Variants in RFC1 observed in about 807,000 individuals in gnomAD.
The protein encoded by RFC1 is replication factor C subunit 1.
Under a neutral mutation model 137.4 loss-of-function variants are expected in RFC1, and 37 were observed. That is an observed-to-expected ratio of 0.27 (90% CI 0.21 to 0.35). RFC1 has a LOEUF of 0.35. RFC1 is among the 10% of genes least tolerant of loss of function. The pLI, the probability that RFC1 is intolerant of heterozygous loss-of-function variation, is 1.00. For synonymous variants in RFC1, 429 were observed against 455.7 expected (o/e 0.94, Z 0.75); for missense variants, 1,205 against 1,358.5 (o/e 0.89, Z 1.78).
Position 39,342,473 on chromosome 4 carries a change from T to G in RFC1, c.209-6A>C. On this transcript the variant is annotated splice_polypyrimidine_tract_variant and splice_region_variant and intron_variant, in intron 3 of 24. Transcript: ENST00000349703. The stretch of plus-strand genomic sequence containing the variant: ...CGTCTCCTCTGACTCTGAATCTGTA[T>G]GTGAGAGAAAAATAAAACAAAACTT... The G allele has an allele frequency of 6.2e-7, 1 of 1,610,204 alleles. No individual in the cohort carries two copies. Among genetic ancestry groups the G allele is most frequent in the South Asian group, 1.1e-5 (1 of 90,766 alleles).
chr4:39,333,270 CT>C (rs1378770267), intron 4 of RFC1, among the ~76,000 whole-genome samples: 2 of 151,820 alleles, frequency 1.3e-5, no homozygotes, highest in Non-Finnish European at 2.9e-5. Flanking sequence ...TGAGTTTGTA[CT>C]AATAAAAACA....
chr4:39,364,080 TAAA>T (rs34471101), intron 1 of RFC1, among the ~76,000 whole-genome samples: 27 of 122,888 alleles, frequency 2.2e-4, no homozygotes, highest in Admixed American at 5.3e-4. Context: ...ACCTTGCCTT[TAAA>T]AAAAAAAAAA....
intron 2 of RFC1, among the ~76,000 whole-genome samples, chr4:39,346,481 A>G (rs1740866876): frequency 6.6e-6 from 1 of 152,128 alleles, no homozygotes; most frequent in African/African-American, 2.4e-5. Context: ...CGTCTCAAAA[A>G]AAAAAAAAAA....
rs377688462 is a variant in RFC1 at position 39,312,827 on chromosome 4, T to C, written c.1308A>G (p.Lys436=). The C allele has an allele frequency of 6.8e-6, 11 of 1,613,986 alleles. No individual in the cohort carries two copies. Among genetic ancestry groups the C allele is most frequent in the Non-Finnish European group, 4.2e-6 (5 of 1,180,000 alleles). The change falls in exon 11 of 25, where the codon AAA becomes AAG. Residue 436 remains lysine (K), a synonymous_variant. Transcript: ENST00000349703. The stretch of plus-strand genomic sequence containing the variant: ...TTTTCTTGCTGACATTTCCTGTTAC[T>C]TTTCCCCCATAACGTTCAATTAGAG... The part of the protein sequence containing the change: ...AKSLIERYGG[K]VTGNVSKKTN...
chr4:39,308,278 G>A (rs1015586835), intron 13 of RFC1, among the ~76,000 whole-genome samples: 1 of 152,132 alleles, frequency 6.6e-6, no homozygotes, highest in Admixed American at 6.5e-5. Context: ...CTCCTACTTT[G>A]TTTCCAAGTC....
intron 1 of RFC1, among the ~76,000 whole-genome samples, chr4:39,358,958 C>G (rs1005054072): frequency 7.9e-5 from 12 of 152,180 alleles, no homozygotes; most frequent in African/African-American, 2.9e-4. Context: ...ATGCAGCCAA[C>G]ATGCAGCCAA....
chr4:39,309,336 CAA>C (rs1188616726), intron 12 of RFC1, among the ~76,000 whole-genome samples: 1 of 152,126 alleles, frequency 6.6e-6, no homozygotes, highest in Non-Finnish European at 1.5e-5. Flanking sequence ...ATTTTTGTTT[CAA>C]AGTTTCCTAA....
At chr4:39,327,169 T>TA (rs1739815236) in intron 5 of RFC1, among the ~76,000 whole-genome samples, 2 of 152,216 alleles carry the variant, frequency 1.3e-5, no homozygotes, top group Admixed American at 1.3e-4. Flanking sequence ...GCTCTATTTA[T>TA]AAGGAATCTA....
intron 4 of RFC1, among the ~76,000 whole-genome samples, chr4:39,331,582 AT>A (rs1012519846): frequency 1.3e-5 from 2 of 152,208 alleles, no homozygotes; most frequent in Admixed American, 6.5e-5. Flanking sequence ...GGGAAAAAAA[AT>A]AACCTAAATA....
chr4:39,351,305 T>C, intron 2 of RFC1, 43 bp downstream of exon 2: 1 of 1,198,324 alleles, frequency 8.3e-7, no homozygotes, highest in South Asian at 1.6e-5. Context: ...ACTGAGTTTA[T>C]TTTACATTTC....
chr4:39,339,350 TA>T (rs1740503227), intron 4 of RFC1, among the ~76,000 whole-genome samples: 1 of 152,184 alleles, frequency 6.6e-6, no homozygotes, highest in African/African-American at 2.4e-5. Context: ...TGCACCAATC[TA>T]CATTCCCACC....
intron 1 of RFC1, among the ~76,000 whole-genome samples, chr4:39,357,330 A>C (rs1410196237): frequency 6.6e-6 from 1 of 152,172 alleles, no homozygotes; most frequent in Non-Finnish European, 1.5e-5. Flanking sequence ...AAGTCATAAT[A>C]TTTACTATCA....
intron 10 of RFC1, among the ~76,000 whole-genome samples, chr4:39,314,929 C>A (rs1469074963): frequency 6.6e-6 from 1 of 152,116 alleles, no homozygotes; most frequent in East Asian, 1.9e-4. Context: ...GGATCTATCC[C>A]ATTAGCAAAA....
chr4:39,329,031 G>A (rs1287629846), intron 4 of RFC1, among the ~76,000 whole-genome samples: 1 of 138,494 alleles, frequency 7.2e-6, no homozygotes, highest in Non-Finnish European at 1.5e-5. Context: ...GGCTTTAAAT[G>A]TCTTTTTAAG....
rs41282373 is a variant in RFC1 at position 39,326,964 on chromosome 4, A to G, written c.565-324T>C. On this transcript the variant is annotated intron_variant, in intron 5 of 24. Coordinates refer to ENST00000349703, the MANE Select transcript of RFC1 (RefSeq NM_002913.5). ...AGTAGCCCAGAACATTGGCAAACCA[A>G]TATGTGAGAATGATTACATTGTTCT... 6.9e-3 allele frequency among the ~76,000 whole-genome samples: 1,049 copies of G among 152,344 alleles called. 4 individuals are homozygous for G. The highest frequency in any genetic ancestry group is 0.01 in the Non-Finnish European group (686 of 68,026).
chr4:39,304,624 C>T (rs776981630), intron 15 of RFC1, among the ~76,000 whole-genome samples, 190 bp downstream of exon 15: 19 of 152,020 alleles, frequency 1.2e-4, no homozygotes, highest in Non-Finnish European at 2.5e-4. Context: ...TTCTTAGAAA[C>T]CTCTAAGACC....
At chr4:39,337,196 G>GA (rs1307157150) in intron 4 of RFC1, among the ~76,000 whole-genome samples, 1 of 152,154 alleles carries the variant, frequency 6.6e-6, no homozygotes, top group Non-Finnish European at 1.5e-5. Context: ...CCAACATGGA[G>GA]AAAGCCTGTC....
At chr4:39,300,540 C>A in intron 19 of RFC1, 126 bp from the exon 20 acceptor site, 1 of 710,752 alleles carries the variant, frequency 1.4e-6, no homozygotes, top group Non-Finnish European at 2.4e-6. Flanking sequence ...CAAAACTGTA[C>A]CGTTTGGTAG....
chr4:39,315,607 G>A (rs959535573), intron 10 of RFC1, among the ~76,000 whole-genome samples: 6 of 152,204 alleles, frequency 3.9e-5, no homozygotes, highest in Admixed American at 2.0e-4. Flanking sequence ...GGCCAACAAC[G>A]AACTCATTAT....
Sources: allele counts gnomAD v4.1 joint callset (sites outside exome capture counted in the v4.1 genomes callset), GRCh38; gene constraint gnomAD v4.1.1; transcripts MANE v1.5; gene names NCBI Gene and HGNC (gene_info 2026-07-23, HGNC 2026-07-21).